Variants in PDZD2 observed in about 807,000 individuals in gnomAD.
The protein encoded by PDZD2 is PDZ domain containing 2, also known as PDZ domain-containing protein 2.
In PDZD2, 90 loss-of-function variants were observed where a neutral mutation model predicts 220.7. That is an observed-to-expected ratio of 0.41 (90% CI 0.34 to 0.49). The LOEUF (loss-of-function observed/expected upper bound fraction) is 0.49. PDZD2 is among the 20% of genes least tolerant of loss of function. PDZD2 has a pLI of 0.28. For missense variants in PDZD2, 3,174 were observed against 3,608.5 expected (o/e 0.88, Z 3.08); for synonymous variants, 1,375 against 1,450.5 (o/e 0.95, Z 1.18).
chr5:31,755,268 G>A (rs1224732973), intron 1 of PDZD2, among the ~76,000 whole-genome samples: 1 of 152,092 alleles, frequency 6.6e-6, no homozygotes, highest in East Asian at 1.9e-4. Context: ...ATGTTTTTTT[G>A]TTTCTGTTAT....
At chr5:32,043,020 T>C (rs1737573210) in intron 7 of PDZD2, among the ~76,000 whole-genome samples, 1 of 152,236 alleles carries the variant, frequency 6.6e-6, no homozygotes. Flanking sequence ...GAAAAAGATC[T>C]GCCTCCCAGA....
intron 10 of PDZD2, 66 bp downstream of exon 10, chr5:32,053,949 C>G: frequency 1.1e-6 from 1 of 934,880 alleles, no homozygotes; most frequent in Non-Finnish European, 1.8e-6. Context: ...TGCCTCTTCA[C>G]AAGATGTGAG....
Position 31,983,366 on chromosome 5 carries a change from G to A in PDZD2, c.688G>A (p.Ala230Thr), listed in dbSNP as rs1319869832. The A allele has an allele frequency of 5.0e-6, 8 of 1,614,178 alleles. 1 individual carries two copies. Among genetic ancestry groups the A allele is most frequent in the South Asian group, 4.4e-5 (4 of 91,088 alleles). Reference protein sequence around the residue: ...GVISRPPANKAPEESKGSAGC... With the variant: ...GVISRPPANKTPEESKGSAGC... ...CATCTCCAGGCCTCCTGCCAACAAG[G>A]CCCCTGAAGAATCCAAGGGCAGCGC... is the stretch of plus-strand genomic sequence containing the variant. The change falls in exon 3 of 25, where the codon GCC becomes ACC. Residue 230 changes from alanine to threonine, a missense_variant. This residue lies in a region of PDZD2 where 632 missense variants were observed against 708.1 expected (regional missense o/e 0.89). Transcript: ENST00000438447.
intron 2 of PDZD2, among the ~76,000 whole-genome samples, chr5:31,886,046 C>CCCA (rs1214432649): frequency 6.6e-6 from 1 of 151,944 alleles, no homozygotes; most frequent in African/African-American, 2.4e-5. Context: ...ATTACAGGCA[C>CCCA]CCACCACCAC....
intron 1 of PDZD2, among the ~76,000 whole-genome samples, chr5:31,663,811 G>A (rs1745873129): frequency 6.6e-6 from 1 of 152,204 alleles, no homozygotes; most frequent in Admixed American, 6.5e-5. Flanking sequence ...AGCTGGGGCA[G>A]GCTTGGCCCT....
At chr5:32,003,717 T>G (rs764919654) in intron 5 of PDZD2, among the ~76,000 whole-genome samples, 2 of 152,160 alleles carry the variant, frequency 1.3e-5, no homozygotes, top group South Asian at 4.1e-4. Flanking sequence ...TTGTTTTTTG[T>G]TTTTGTTTTT....
rs1479539799 is a variant in PDZD2, at chr5:32,037,287, C to A, written c.1464C>A (p.Asn488Lys). The A allele has an allele frequency of 6.2e-7, 1 of 1,613,914 alleles. No homozygotes were observed. Among genetic ancestry groups the A allele is most frequent in the African/African-American group, 1.3e-5 (1 of 75,020 alleles). ...DVCGAEESKGNLESPKQGSNK... is the reference protein window; with the variant it reads ...DVCGAEESKGKLESPKQGSNK... ...GCGGTGCTGAGGAATCCAAGGGGAA[C>A]TTGGAAAGTCCCAAACAGGGCAGCA... The change falls in exon 7 of 25, where the codon AAC (asparagine) becomes AAA (lysine). Residue 488 changes from asparagine to lysine, a missense_variant. This residue lies in a region of PDZD2 where 632 missense variants were observed against 708.1 expected (regional missense o/e 0.89). Transcript: ENST00000438447.
At chr5:32,082,085 G>C (rs556680682) in intron 19 of PDZD2, among the ~76,000 whole-genome samples, 13 of 147,170 alleles carry the variant, frequency 8.8e-5, no homozygotes, top group African/African-American at 3.0e-4. Context: ...GCAATGGCGC[G>C]ATCTTGGCTC....
At chr5:31,733,814 C>T (rs1224472754) in intron 1 of PDZD2, among the ~76,000 whole-genome samples, 2 of 152,198 alleles carry the variant, frequency 1.3e-5, no homozygotes, top group African/African-American at 2.4e-5. Flanking sequence ...TCTCACTCAA[C>T]ACAACACAGA....
chr5:31,969,866 C>T (rs1472855942), intron 2 of PDZD2, among the ~76,000 whole-genome samples: 1 of 151,804 alleles, frequency 6.6e-6, no homozygotes, highest in Non-Finnish European at 1.5e-5. Flanking sequence ...TGTGCTGGTG[C>T]ATGAGGGTGC....
chr5:32,061,073 T>A lies in PDZD2; in HGVS notation c.2390T>A (p.Ile797Asn), dbSNP rs1438381330. The A allele has an allele frequency of 6.2e-7, 1 of 1,614,172 alleles. No individual in the cohort carries two copies. Among genetic ancestry groups the A allele is most frequent in the Non-Finnish European group, 8.5e-7 (1 of 1,180,014 alleles). ...RHAALSKVHA[I>N]LSKCPPGPVR... Reference sequence around the variant, plus strand: ...GCTGCTTTAAGCAAAGTCCACGCCATCTTGAGTAAATGCCCTCCAGGACCC... The same window carrying A: ...GCTGCTTTAAGCAAAGTCCACGCCAACTTGAGTAAATGCCCTCCAGGACCC... The change falls in exon 14 of 25, where the codon ATC becomes AAC. Residue 797 changes from isoleucine to asparagine, a missense_variant. Ile to Asn is a moderately radical substitution (Grantham distance 149, BLOSUM62 -3). This residue lies in a region of PDZD2 where 1,861 missense variants were observed against 2,001.0 expected (regional missense o/e 0.93). Transcript: ENST00000438447.
intron 1 of PDZD2, among the ~76,000 whole-genome samples, chr5:31,679,258 C>T (rs1746562538): frequency 6.6e-6 from 1 of 152,220 alleles, no homozygotes; most frequent in East Asian, 1.9e-4. Flanking sequence ...TCCAGGCTTC[C>T]TTATGGAAAG....
intron 2 of PDZD2, among the ~76,000 whole-genome samples, chr5:31,961,139 T>C (rs1468954698): frequency 6.6e-6 from 1 of 152,224 alleles, no homozygotes; most frequent in African/African-American, 2.4e-5. Flanking sequence ...GGGGGAGTTA[T>C]GTGTTTTCTT....
At chr5:31,919,857 A>ATT (rs1744048680) in intron 2 of PDZD2, among the ~76,000 whole-genome samples, 2 of 30,732 alleles carry the variant, frequency 6.5e-5, no homozygotes, top group Non-Finnish European at 1.0e-4. Context: ...TCTAAAAAAC[A>ATT]ATTTTTTTTT....
Position 32,088,974 on chromosome 5 carries a change from AAAG to A in PDZD2, c.5527_5529del (p.Lys1843del). The A allele has an allele frequency of 2.5e-6, 4 of 1,614,006 alleles. No homozygotes were observed. The highest frequency in any genetic ancestry group is 2.5e-6 in the Non-Finnish European group (3 of 1,180,000). ...TTCAGATGGTGAGTTCAAGCCAAAA[AAAG>A]GGCGTTACTGTGCCTCATAGCCCTC... On this transcript the variant is annotated inframe_deletion, in exon 20 of 25. Transcript: ENST00000438447. The surrounding 1 kb of genome is among the most constrained non-coding windows in gnomAD (Gnocchi z 4.6).
At chr5:31,768,098 C>T (rs921735761) in intron 1 of PDZD2, among the ~76,000 whole-genome samples, 3 of 152,182 alleles carry the variant, frequency 2.0e-5, no homozygotes, top group African/African-American at 7.2e-5. Context: ...ACCAACTACA[C>T]AGAACTGGGA....
chr5:31,803,928 A>G (rs1329886406), intron 2 of PDZD2, among the ~76,000 whole-genome samples: 1 of 151,616 alleles, frequency 6.6e-6, no homozygotes, highest in Non-Finnish European at 1.5e-5. Flanking sequence ...AGTCCCAGCT[A>G]CTCGAGAGGC....
chr5:32,014,724 T>C (rs1206112738), intron 6 of PDZD2, among the ~76,000 whole-genome samples: 14 of 140,136 alleles, frequency 1.0e-4, no homozygotes, highest in African/African-American at 4.0e-4. Flanking sequence ...TTTTTTTTTT[T>C]TTTTTTTTTT....
chr5:31,641,173 G>A (rs921659142), intron 1 of PDZD2, among the ~76,000 whole-genome samples: 3 of 152,144 alleles, frequency 2.0e-5, no homozygotes, highest in Non-Finnish European at 4.4e-5. Context: ...ATGCTCCCTC[G>A]CTGCTGTCAG....
Sources: allele counts gnomAD v4.1 joint callset (sites outside exome capture counted in the v4.1 genomes callset), GRCh38; gene constraint gnomAD v4.1.1; regional missense constraint gnomAD v4.1.1; non-coding constraint Gnocchi (gnomAD v3.1); transcripts MANE v1.5; gene names NCBI Gene and HGNC (gene_info 2026-07-23, HGNC 2026-07-21).